Variants in CNTN4 observed in about 807,000 individuals in gnomAD.
CNTN4 encodes contactin-4.
A neutral mutation model predicts 122.5 loss-of-function variants in CNTN4; 77 were observed. The ratio of observed to expected loss-of-function variants is 0.63; its 90% CI spans 0.52 to 0.76. CNTN4 has a LOEUF of 0.76. Among genes scored for constraint, CNTN4 ranks in the 30% least tolerant of loss-of-function variants. CNTN4 has a pLI of 0.00. For synonymous variants in CNTN4, 512 were observed against 447.0 expected (o/e 1.15, Z -1.83); for missense variants, 1,256 against 1,259.1 (o/e 1.00, Z 0.04).
chr3:2,226,208 T>C (rs1184684538), intron 2 of CNTN4, among the ~76,000 whole-genome samples: 5 of 152,214 alleles, frequency 3.3e-5, no homozygotes, highest in African/African-American at 1.2e-4. Context: ...ACTTATGTTA[T>C]TATGTTTTAT....
At chr3:2,498,826 G>C (rs1328766075) in intron 3 of CNTN4, among the ~76,000 whole-genome samples, 3 of 151,526 alleles carry the variant, frequency 2.0e-5, no homozygotes, top group African/African-American at 7.3e-5. Flanking sequence ...GTCTTGCTCT[G>C]TTGCCCAGGT....
intron 2 of CNTN4, among the ~76,000 whole-genome samples, chr3:2,165,394 T>G (rs1282174482): frequency 6.6e-6 from 1 of 152,062 alleles, no homozygotes; most frequent in Non-Finnish European, 1.5e-5. Flanking sequence ...GAAGAATAAT[T>G]GAAAAATAAA....
intron 8 of CNTN4, among the ~76,000 whole-genome samples, chr3:2,872,974 G>A (rs1462569540): frequency 6.6e-6 from 1 of 152,106 alleles, no homozygotes; most frequent in Non-Finnish European, 1.5e-5. Flanking sequence ...GTGAATAAGA[G>A]CAGCATTGAA....
At chr3:2,317,042 T>C (rs1319078452) in intron 2 of CNTN4, among the ~76,000 whole-genome samples, 1 of 152,210 alleles carries the variant, frequency 6.6e-6, no homozygotes, top group Non-Finnish European at 1.5e-5. Flanking sequence ...GGCCCCTGCC[T>C]TTAGGCACCA....
In CNTN4 at chr3:2,403,595, G is replaced by A. The variant is rs551340975; in HGVS notation, c.-89+64362G>A. On this transcript the variant is annotated intron_variant, in intron 3 of 24. Coordinates refer to ENST00000418658, the MANE Select transcript of CNTN4 (RefSeq NM_175607.3). ...ATTGTAAATCACTCTTAGTAAATTA[G>A]TAGTCTAGGCTAATCTGATTGTCAG... Among the ~76,000 whole-genome samples, 138 of 152,216 alleles carry A rather than the reference G, an allele frequency of 9.1e-4. 1 individual carries two copies. Among genetic ancestry groups the A allele is most frequent in the African/African-American group, 3.2e-3 (131 of 41,528 alleles).
intron 2 of CNTN4, among the ~76,000 whole-genome samples, chr3:2,115,879 T>C (rs1042388512): frequency 6.6e-6 from 1 of 152,250 alleles, no homozygotes; most frequent in Non-Finnish European, 1.5e-5. Flanking sequence ...CTTTTGCAAA[T>C]GTGTTTCTAG....
At chr3:2,173,678 T>C (rs2036612104) in intron 2 of CNTN4, among the ~76,000 whole-genome samples, 1 of 150,748 alleles carries the variant, frequency 6.6e-6, no homozygotes. Context: ...CTCAGCTACT[T>C]ACTTCCTTTT....
intron 7 of CNTN4, among the ~76,000 whole-genome samples, chr3:2,859,334 C>G (rs1419488040): frequency 1.3e-5 from 2 of 152,170 alleles, no homozygotes; most frequent in African/African-American, 4.8e-5. Flanking sequence ...GATTCCATAT[C>G]TTGGCTATTG....
intron 2 of CNTN4, among the ~76,000 whole-genome samples, chr3:2,127,856 G>C (rs1170120591): frequency 1.3e-5 from 2 of 152,176 alleles, no homozygotes; most frequent in African/African-American, 4.8e-5. Context: ...AGCTCCACTG[G>C]TGTAGTCAAA....
chr3:2,215,865 C>G (rs2038813227), intron 2 of CNTN4, among the ~76,000 whole-genome samples: 1 of 108,760 alleles, frequency 9.2e-6, no homozygotes, highest in Admixed American at 1.4e-4. Flanking sequence ...CCTGTGTGAA[C>G]AGAGTGAGCC....
At chr3:2,778,769 T>C (rs2091450565) in intron 6 of CNTN4, among the ~76,000 whole-genome samples, 1 of 152,096 alleles carries the variant, frequency 6.6e-6, no homozygotes, top group Non-Finnish European at 1.5e-5. Flanking sequence ...ACACACATAA[T>C]AATAGCTGAC....
At chr3:2,467,100 A>G (rs1194354223) in intron 3 of CNTN4, among the ~76,000 whole-genome samples, 1 of 128,626 alleles carries the variant, frequency 7.8e-6, no homozygotes, top group African/African-American at 2.9e-5. Flanking sequence ...GCTAATACAT[A>G]TTTTTCCCAT....
chr3:2,603,206 G>A (rs1383030367), intron 4 of CNTN4, among the ~76,000 whole-genome samples: 1 of 152,040 alleles, frequency 6.6e-6, no homozygotes, highest in Non-Finnish European at 1.5e-5. Flanking sequence ...GATGTTTTAG[G>A]TGAATTAAAT....
At position 2,275,919 on chromosome 3, in the gene CNTN4, CAAAAA is replaced by C. The variant is rs767326367; in HGVS notation, c.-144-63245_-144-63241del. ...TAGGTGACAGAGCCAGACTCTGTCTCAAAAAAAAAAAAAAAAAACAAAAAAAAATA... is the reference window on the plus strand; with the variant it reads ...TAGGTGACAGAGCCAGACTCTGTCTCAAAAAAAAAAAAACAAAAAAAAATA... On this transcript the variant is annotated intron_variant, in intron 2 of 24. Coordinates refer to ENST00000418658, the MANE Select transcript of CNTN4 (RefSeq NM_175607.3). 9.8e-3 allele frequency among the ~76,000 whole-genome samples: 1,045 copies of C among 107,090 alleles called. 21 individuals carry two copies. Among genetic ancestry groups the C allele is most frequent in the African/African-American group, 0.04 (993 of 24,868 alleles). 70.3% of individuals were successfully genotyped at this position (107,090 alleles called of 152,430 possible).
At chr3:2,164,851 G>A (rs1165154786) in intron 2 of CNTN4, among the ~76,000 whole-genome samples, 2 of 151,996 alleles carry the variant, frequency 1.3e-5, no homozygotes, top group Admixed American at 1.3e-4. Flanking sequence ...CAAATGTACT[G>A]TTTAAAAAAA....
chr3:2,624,307 G>A (rs1258778453), intron 4 of CNTN4, among the ~76,000 whole-genome samples: 2 of 152,116 alleles, frequency 1.3e-5, no homozygotes, highest in Non-Finnish European at 2.9e-5. Context: ...TGGTCGATAT[G>A]CTGTTTTTAA....
Position 2,375,049 on chromosome 3 carries a change from G to A in CNTN4, c.-89+35816G>A, listed in dbSNP as rs1403738795. Among the ~76,000 whole-genome samples, 8 of 152,210 alleles carry A rather than the reference G, an allele frequency of 5.3e-5. No homozygotes were observed. In the South Asian group the frequency reaches 1.7e-3, roughly 32 times the overall value. On this transcript the variant is annotated intron_variant, in intron 3 of 24. Coordinates refer to ENST00000418658, the MANE Select transcript of CNTN4 (RefSeq NM_175607.3). ...AAATGAAAAGTCCATCTGACAATAT[G>A]ATATCTTAGAAAGTCATTGTAAAAA...
intron 3 of CNTN4, among the ~76,000 whole-genome samples, chr3:2,491,934 A>T (rs994041525): frequency 1.3e-5 from 2 of 151,898 alleles, no homozygotes; most frequent in Admixed American, 6.6e-5. Context: ...TCATAAATCT[A>T]TACTGTAAAC....
At chr3:2,514,830 C>A (rs964634571) in intron 3 of CNTN4, among the ~76,000 whole-genome samples, 1 of 152,130 alleles carries the variant, frequency 6.6e-6, no homozygotes, top group Non-Finnish European at 1.5e-5. Context: ...ACTTAGCTGT[C>A]ATTTTAAACA....
Sources: allele counts gnomAD v4.1 joint callset (sites outside exome capture counted in the v4.1 genomes callset), GRCh38; gene constraint gnomAD v4.1.1; transcripts MANE v1.5; gene names NCBI Gene and HGNC (gene_info 2026-07-23, HGNC 2026-07-21).